The following EMSY variants were observed in gnomAD, a reference collection of about 807,000 sequenced individuals.
The protein encoded by EMSY is EMSY transcriptional repressor, BRCA2 interacting.
In EMSY, 26 loss-of-function variants were observed where a neutral mutation model predicts 134.6. That is an observed-to-expected ratio of 0.19 (90% CI 0.14 to 0.27). The LOEUF (loss-of-function observed/expected upper bound fraction) is 0.27. Ranked by LOEUF, EMSY falls within the 10% of genes least tolerant of loss-of-function variation. The probability of loss-of-function intolerance (pLI) is 1.00; values close to 1 mark genes in which losing one functional copy is unlikely to be tolerated. For synonymous variants in EMSY, 579 were observed against 577.8 expected (o/e 1.00, Z -0.03); for missense variants, 1,305 against 1,611.4 (o/e 0.81, Z 3.26).
intron 11 of EMSY, among the ~76,000 whole-genome samples, chr11:76,517,822 GCATACAGTTTAAA>G (rs571175356): frequency 2.1e-3 from 313 of 152,202 alleles, no homozygotes; most frequent in African/African-American, 7.1e-3. Context: ...GATATACTTG[GCATACAGTTTAAA>G]CATACAGTTT....
intron 9 of EMSY, 152 bp downstream of exon 10, chr11:76,496,621 A>G (rs1159558191): frequency 2.3e-6 from 2 of 875,196 alleles, no homozygotes; most frequent in Non-Finnish European, 3.7e-6. Flanking sequence ...TAGATTCTGT[A>G]TATGTTTTGT....
intron 16 of EMSY, 57 bp from the exon 18 acceptor site, chr11:76,539,542 T>G: frequency 6.4e-7 from 1 of 1,562,464 alleles, no homozygotes; most frequent in Non-Finnish European, 8.8e-7. Flanking sequence ...TAGACTAGAT[T>G]CTTGCATGGT....
chr11:76,490,187 T>C (rs886383437), intron 8 of EMSY, among the ~76,000 whole-genome samples: 1 of 152,068 alleles, frequency 6.6e-6, no homozygotes, highest in Non-Finnish European at 1.5e-5. Context: ...TTATTGATTT[T>C]TTTTTTAAGG....
chr11:76,511,200 A>C (rs1048889546), intron 9 of EMSY, among the ~76,000 whole-genome samples: 4 of 152,118 alleles, frequency 2.6e-5, no homozygotes, highest in African/African-American at 9.7e-5. Flanking sequence ...CAGCTCCTGA[A>C]ATTTTTATCT....
chr11:76,458,957 A>G (rs986218065), intron 5 of EMSY: 2 of 152,210 alleles, frequency 1.3e-5, no homozygotes, highest in East Asian at 1.9e-4. Context: ...TTGCATGACA[A>G]TGACCCTAAA....
chr11:76,549,857 T>A, intron 20 of EMSY, 95 bp from the exon 22 acceptor site: 1 of 1,183,774 alleles, frequency 8.4e-7, no homozygotes, highest in Non-Finnish European at 1.2e-6. Flanking sequence ...CCAAAAAATG[T>A]CAGTTTTCTT....
intron 2 of EMSY, 63 bp from the exon 3 acceptor site, chr11:76,451,795 A>G (rs1947680778): frequency 9.6e-6 from 10 of 1,037,000 alleles, no homozygotes; most frequent in East Asian, 2.9e-5. Context: ...AAGTTTCACT[A>G]TACATAGCCA....
intron 2 of EMSY, among the ~76,000 whole-genome samples, chr11:76,449,627 CT>C (rs1407250246): frequency 6.6e-6 from 1 of 152,106 alleles, no homozygotes; most frequent in East Asian, 1.9e-4. Flanking sequence ...ATCTGACTGC[CT>C]TCTGTCATTA....
intron 8 of EMSY, among the ~76,000 whole-genome samples, chr11:76,477,750 C>G (rs1433991844): frequency 6.6e-6 from 1 of 152,184 alleles, no homozygotes; most frequent in African/African-American, 2.4e-5. Flanking sequence ...ACTTAACAGA[C>G]TAGAAGCTGT....
intron 8 of EMSY, among the ~76,000 whole-genome samples, chr11:76,481,602 T>C (rs954576617): frequency 5.9e-5 from 9 of 152,158 alleles, no homozygotes; most frequent in African/African-American, 9.6e-5. Flanking sequence ...AGGTGGTTTT[T>C]CCCCTCAGAG....
Position 76,546,682 on chromosome 11 carries a change from T to C in EMSY, c.3774+385T>C, listed in dbSNP as rs1424608225. Reference sequence around the variant, plus strand: ...AATTTTTGCTCAAAAAATTCTGGAATGTAACTGGATTGCACTTCTATTTCA... The same window carrying C: ...AATTTTTGCTCAAAAAATTCTGGAACGTAACTGGATTGCACTTCTATTTCA... On this transcript the variant is annotated intron_variant, in intron 20 of 20. Transcript: ENST00000334736. Among the ~76,000 whole-genome samples, 4 of 152,346 alleles carry C rather than the reference T, an allele frequency of 2.6e-5. No homozygotes were observed. In the East Asian group the frequency reaches 7.7e-4, roughly 29 times the overall value.
intron 11 of EMSY, chr11:76,516,913 C>A (rs1950469128): frequency 6.6e-6 from 1 of 152,170 alleles, no homozygotes; most frequent in African/African-American, 2.4e-5. Flanking sequence ...AGCCAACCAT[C>A]TGCCTATTTA....
exon 17 of EMSY, chr11:76,539,602 G>A (rs374492099): frequency 2.2e-5 from 35 of 1,613,582 alleles, no homozygotes; most frequent in Non-Finnish European, 2.5e-5. Context: ...CTTTCAGAAC[G>A]CACTGATGAG....
intron 7 of EMSY, among the ~76,000 whole-genome samples, chr11:76,469,459 A>G (rs1016106934): frequency 1.3e-5 from 2 of 152,168 alleles, no homozygotes; most frequent in Non-Finnish European, 2.9e-5. Flanking sequence ...AGAATTTGGG[A>G]AAAAAATAAG....
intron 2 of EMSY, 61 bp downstream of exon 2, chr11:76,447,069 G>A (rs1947446384): frequency 2.6e-6 from 4 of 1,510,518 alleles, no homozygotes; most frequent in South Asian, 1.1e-5. Context: ...TTTCTGCCTA[G>A]GTCATAGCTG....
intron 10 of EMSY, 104 bp from the exon 12 acceptor site, chr11:76,516,038 A>G (rs1950438805): frequency 2.0e-6 from 2 of 1,020,768 alleles, no homozygotes; most frequent in Non-Finnish European, 2.8e-6. Flanking sequence ...TCCATTTTCA[A>G]GTTATAGCAA....
chr11:76,449,744 G>A (rs1159375343), intron 2 of EMSY, among the ~76,000 whole-genome samples: 8 of 152,182 alleles, frequency 5.3e-5, no homozygotes, highest in South Asian at 2.1e-4. Context: ...CATTTTTACC[G>A]TTCTCTGTTC....
intron 16 of EMSY, 101 bp downstream of exon 17, chr11:76,538,051 C>T: frequency 1.0e-5 from 11 of 1,070,098 alleles, no homozygotes; most frequent in Non-Finnish European, 1.4e-5. Flanking sequence ...ATATTTTTAG[C>T]TTTTTCCTCT....
intron 9 of EMSY, among the ~76,000 whole-genome samples, chr11:76,507,700 A>G (rs1950127532): frequency 6.6e-6 from 1 of 152,096 alleles, no homozygotes; most frequent in Admixed American, 6.5e-5. Context: ...AGCTCCTATT[A>G]ATGTTGATAT....
Sources: gnomAD v4.1 joint callset for allele counts (sites outside exome capture counted in the v4.1 genomes callset) on GRCh38, gnomAD v4.1.1 for gene constraint, MANE v1.5 for transcripts, NCBI Gene and HGNC (gene_info 2026-07-23, HGNC 2026-07-21) for gene names.